The following CNTN6 variants were observed in gnomAD, a reference collection of about 807,000 sequenced individuals.
CNTN6 encodes contactin-6.
A neutral mutation model predicts 122.8 loss-of-function variants in CNTN6; 137 were observed. The observed-to-expected ratio is 1.12, with a 90% confidence interval of 0.97 to 1.29. The LOEUF (loss-of-function observed/expected upper bound fraction) is 1.29, where lower values mean the gene tolerates loss of function less well. Ranked by LOEUF, CNTN6 falls within the 50% of genes most tolerant of loss-of-function variation. CNTN6 has a pLI of 0.00. For missense variants in CNTN6, 1,634 were observed against 1,223.4 expected, an observed-to-expected ratio of 1.34 and a Z score of -5.01; for synonymous variants, 570 against 426.0, an observed-to-expected ratio of 1.34 and a Z score of -4.16.
chr3:1,381,237 A>C (rs755254729), intron 17 of CNTN6, among the ~76,000 whole-genome samples: 1 of 150,912 alleles, frequency 6.6e-6, no homozygotes, highest in Non-Finnish European at 1.5e-5. Context: ...ATCGATTCTT[A>C]TAAATCTCTT....
chr3:1,232,999 TGCAGAAA>T, intron 4 of CNTN6, among the ~76,000 whole-genome samples: 1 of 152,284 alleles, frequency 6.6e-6, no homozygotes, highest in East Asian at 1.9e-4. Flanking sequence ...AGAACTGAAA[TGCAGAAA>T]GCTAGGGATC....
In CNTN6 at chr3:1,332,841, G is replaced by T. The variant is rs188570942; in HGVS notation, c.1364+2906G>T. ...CTTTGGTCTGAACCATTACGTGGTA[G>T]CCAAATTCTTTTTTCCCTGATCAGA... On this transcript the variant is annotated intron_variant, in intron 11 of 22. Transcript: ENST00000446702. 4.7e-4 allele frequency among the ~76,000 whole-genome samples: 71 copies of T among 152,128 alleles called. 1 individual carries two copies. The highest frequency in any genetic ancestry group is 3.4e-3 in the Middle Eastern group (1 of 294).
rs561970900 is a variant in CNTN6 at position 1,403,640 on chromosome 3, G to A, written c.*222G>A. The stretch of plus-strand genomic sequence containing the variant: ...CACATGATTACATGAATTCCTAGGT[G>A]CCACATTAACCTGGGGAGTTGTAAC... On this transcript the variant is annotated 3_prime_UTR_variant, in exon 23 of 23. Transcript: ENST00000446702. The A allele has an allele frequency of 3.6e-4, 118 of 330,066 alleles. No homozygotes were observed. The highest frequency in any genetic ancestry group is 2.4e-3 in the African/African-American group (111 of 46,616). The allele number at this position is 330,066 out of a possible 1,614,324, so 20.4% of individuals were successfully genotyped here.
chr3:1,193,930 C>G (rs996045880), intron 2 of CNTN6, among the ~76,000 whole-genome samples: 10 of 152,038 alleles, frequency 6.6e-5, no homozygotes, highest in African/African-American at 2.4e-4. Flanking sequence ...AGATATGAAA[C>G]GTTTTCTTGT....
At chr3:1,345,119 C>CT (rs34433982) in intron 11 of CNTN6, among the ~76,000 whole-genome samples, 4,565 of 143,288 alleles carry the variant, frequency 0.032, 177 homozygotes, top group African/African-American at 0.095. Flanking sequence ...TGTACAATTA[C>CT]TTTTTTTTTT....
intron 1 of CNTN6, among the ~76,000 whole-genome samples, chr3:1,131,283 T>C (rs2092329080): frequency 6.6e-6 from 1 of 152,044 alleles, no homozygotes; most frequent in Admixed American, 6.6e-5. Flanking sequence ...TAAAATCATG[T>C]CTTATACTCA....
intron 2 of CNTN6, among the ~76,000 whole-genome samples, chr3:1,203,770 C>T (rs1392098968): frequency 1.3e-5 from 2 of 152,190 alleles, no homozygotes; most frequent in Non-Finnish European, 2.9e-5. Context: ...AGAGTATTCT[C>T]ATCAGTTATT....
chr3:1,227,740 T>C, intron 3 of CNTN6, 78 bp from the exon 4 acceptor site: 1 of 1,436,176 alleles, frequency 7.0e-7, no homozygotes, highest in South Asian at 1.2e-5. Context: ...GTTGCAGGAA[T>C]TAGAACTACA....
intron 2 of CNTN6, among the ~76,000 whole-genome samples, chr3:1,193,942 T>C (rs887572922): frequency 6.6e-6 from 1 of 152,176 alleles, no homozygotes; most frequent in South Asian, 2.1e-4. Flanking sequence ...TTTTCTTGTA[T>C]GTAGGAAATG....
intron 2 of CNTN6, among the ~76,000 whole-genome samples, chr3:1,157,381 C>A (rs897317541): frequency 3.3e-5 from 5 of 151,988 alleles, no homozygotes; most frequent in African/African-American, 1.2e-4. Flanking sequence ...CCACACCTGG[C>A]TAATTTTGTA....
chr3:1,182,816 G>C (rs542571640), intron 2 of CNTN6, among the ~76,000 whole-genome samples: 2 of 151,974 alleles, frequency 1.3e-5, no homozygotes, highest in African/African-American at 2.4e-5. Context: ...ATTTTTTCTT[G>C]CATGCATAAT....
intron 4 of CNTN6, among the ~76,000 whole-genome samples, chr3:1,266,314 A>T (rs2094925653): frequency 6.6e-6 from 1 of 152,166 alleles, no homozygotes; most frequent in South Asian, 2.1e-4. Flanking sequence ...CTGTGATTCC[A>T]AAGACCTTGC....
intron 7 of CNTN6, among the ~76,000 whole-genome samples, chr3:1,316,329 G>A (rs1404923648): frequency 1.3e-5 from 2 of 151,854 alleles, no homozygotes; most frequent in African/African-American, 4.8e-5. Flanking sequence ...TTCTGGGGAG[G>A]CCTCAGGAAA....
intron 2 of CNTN6, among the ~76,000 whole-genome samples, chr3:1,170,009 C>A (rs182140612): frequency 2.6e-5 from 4 of 151,874 alleles, no homozygotes; most frequent in African/African-American, 7.3e-5. Context: ...CCGAGGCGGG[C>A]GGATCACTTG....
At chr3:1,315,589 G>A (rs527240954) in intron 7 of CNTN6, among the ~76,000 whole-genome samples, 1 of 152,108 alleles carries the variant, frequency 6.6e-6, no homozygotes, top group South Asian at 2.1e-4. Context: ...TACATAGTAA[G>A]CACTCAGTTA....
At chr3:1,195,904 TTTTTTA>T (rs1306190926) in intron 2 of CNTN6, among the ~76,000 whole-genome samples, 1 of 152,164 alleles carries the variant, frequency 6.6e-6, no homozygotes, top group African/African-American at 2.4e-5. Flanking sequence ...GAGAAGTTTT[TTTTTTA>T]TTTTTATTTT....
At chr3:1,179,598 C>T (rs1285002138) in intron 2 of CNTN6, among the ~76,000 whole-genome samples, 1 of 152,040 alleles carries the variant, frequency 6.6e-6, no homozygotes, top group African/African-American at 2.4e-5. Context: ...AATGGCTGTT[C>T]CCTAGTTCCC....
chr3:1,200,071 T>C (rs114559982), intron 2 of CNTN6, among the ~76,000 whole-genome samples: 3,045 of 152,284 alleles, frequency 0.02, 97 homozygotes, highest in African/African-American at 0.068. Flanking sequence ...TATATATATT[T>C]TTTAAGATGA....
intron 11 of CNTN6, among the ~76,000 whole-genome samples, chr3:1,349,138 A>C (rs1705222430): frequency 6.6e-6 from 1 of 151,972 alleles, no homozygotes; most frequent in Non-Finnish European, 1.5e-5. Context: ...AATTTTTGGA[A>C]GTCTCCCATC....
Sources: gnomAD v4.1 joint callset for allele counts (sites outside exome capture counted in the v4.1 genomes callset) on GRCh38, gnomAD v4.1.1 for gene constraint, MANE v1.5 for transcripts, NCBI Gene and HGNC (gene_info 2026-07-23, HGNC 2026-07-21) for gene names.